MIGA1: variants seen among roughly 807,000 people sequenced by gnomAD.
MIGA1 encodes family with sequence similarity 73, member A.
In MIGA1, 58 loss-of-function variants were observed where a neutral mutation model predicts 82.0. The observed-to-expected ratio is 0.71, with a 90% CI of 0.57 to 0.88. The LOEUF (loss-of-function observed/expected upper bound fraction) is 0.88, where lower values mean the gene tolerates loss of function less well. Ranked by LOEUF, MIGA1 falls within the 40% of genes least tolerant of loss-of-function variation. MIGA1 has a pLI of 0.00. For synonymous variants in MIGA1, 249 were observed against 253.6 expected (o/e 0.98, Z 0.17); for missense variants, 751 against 749.1 (o/e 1.00, Z -0.03).
intron 2 of MIGA1, among the ~76,000 whole-genome samples, chr1:77,794,939 T>A (rs1025298129): frequency 6.6e-6 from 1 of 152,166 alleles, no homozygotes; most frequent in African/African-American, 2.4e-5. Flanking sequence ...ACTTTAGTAC[T>A]TATTTCTTGA....
rs751478363 is a variant in MIGA1 at position 77,866,361 on chromosome 1, G to A, written c.1533G>A (p.Ser511=). 3.2e-5 allele frequency: 51 copies of A among 1,613,736 alleles called. No homozygotes were observed. Among genetic ancestry groups the A allele is most frequent in the East Asian group, 2.2e-4 (10 of 44,892 alleles). ...AGGCTGTGGCTTCAAGTTGTTGGTC[G>A]GTGCTGAAACAGAAAAGACAACAGA... Residue 511 remains serine (S), a synonymous_variant, in exon 14 of 16, where the codon TCG becomes TCA. Transcript: ENST00000370791.
chr1:77,865,340 C>A (rs937955612), intron 13 of MIGA1, among the ~76,000 whole-genome samples: 4 of 152,046 alleles, frequency 2.6e-5, no homozygotes, highest in African/African-American at 9.7e-5. Flanking sequence ...CCTGTAATCC[C>A]AGCACTTTGG....
chr1:77,873,426 G>A (rs1571029576), intron 15 of MIGA1, among the ~76,000 whole-genome samples: 1 of 152,310 alleles, frequency 6.6e-6, no homozygotes, highest in Non-Finnish European at 1.5e-5. Flanking sequence ...GTGTTGCCAT[G>A]TGACAGTCAA....
At chr1:77,832,884 C>T (rs963775502) in intron 7 of MIGA1, among the ~76,000 whole-genome samples, 1 of 152,130 alleles carries the variant, frequency 6.6e-6, no homozygotes, top group African/African-American at 2.4e-5. Flanking sequence ...TTTGTTGCTG[C>T]TCCTTTATAA....
At chr1:77,872,942 T>A in intron 14 of MIGA1, 62 bp from the exon 15 acceptor site, 8 of 1,601,792 alleles carry the variant, frequency 5.0e-6, no homozygotes, top group Non-Finnish European at 6.8e-6. Context: ...TCAGTTTCTG[T>A]ACTAGAGAAA....
rs187165560 is a variant in MIGA1 at position 77,854,257 on chromosome 1, A to T, written c.997-4681A>T. ...GGCTGCACAGTATTCCTTCATCTAT[A>T]CATACCACAGTTTCTTTATCCACTT... is the stretch of plus-strand genomic sequence containing the variant. On this transcript the variant is annotated intron_variant, in intron 8 of 15. Transcript: ENST00000370791. Among the ~76,000 whole-genome samples, 239 of 152,318 alleles carry T rather than the reference A, an allele frequency of 1.6e-3. 6 individuals carry two copies. Among genetic ancestry groups the T allele is most frequent in the Admixed American group, 0.014 (209 of 15,302 alleles).
At chr1:77,822,508 C>T (rs1049441469) in intron 7 of MIGA1, among the ~76,000 whole-genome samples, 2 of 152,056 alleles carry the variant, frequency 1.3e-5, no homozygotes, top group Non-Finnish European at 2.9e-5. Flanking sequence ...TAGGAAAATA[C>T]AGAATTTTTT....
chr1:77,782,557 A>G (rs1209000373), intron 1 of MIGA1, among the ~76,000 whole-genome samples: 3 of 152,210 alleles, frequency 2.0e-5, no homozygotes, highest in East Asian at 3.8e-4. Context: ...TTCTGGCTCT[A>G]TAAAGCAGAG....
chr1:77,867,425 A>G (rs1685713782), intron 14 of MIGA1, among the ~76,000 whole-genome samples: 1 of 152,186 alleles, frequency 6.6e-6, no homozygotes, highest in East Asian at 1.9e-4. Flanking sequence ...CTCCTGGGCT[A>G]AAGCAATCTT....
intron 4 of MIGA1, among the ~76,000 whole-genome samples, chr1:77,804,849 G>A (rs1173706138): frequency 6.6e-6 from 1 of 151,720 alleles, no homozygotes; most frequent in Non-Finnish European, 1.5e-5. Flanking sequence ...GGCTGGTCTC[G>A]AACTCCTGAC....
intron 2 of MIGA1, among the ~76,000 whole-genome samples, chr1:77,787,386 C>CT (rs74680486): frequency 0.024 from 3,484 of 142,212 alleles, 63 homozygotes; most frequent in Non-Finnish European, 0.03. Flanking sequence ...GTCCTTTGCC[C>CT]TTTTTTTTTT....
intron 7 of MIGA1, among the ~76,000 whole-genome samples, chr1:77,832,483 A>G (rs902823136): frequency 6.6e-6 from 1 of 152,250 alleles, no homozygotes; most frequent in Non-Finnish European, 1.5e-5. Context: ...ATAAAGTGCT[A>G]TGGGAACACT....
intron 8 of MIGA1, chr1:77,848,075 GA>G: frequency 1.5e-6 from 2 of 1,294,636 alleles, no homozygotes; most frequent in Non-Finnish European, 2.2e-6. Flanking sequence ...GAGGACACGA[GA>G]AAAGGGAAGA....
intron 4 of MIGA1, among the ~76,000 whole-genome samples, chr1:77,805,248 G>T (rs1377672870): frequency 3.3e-5 from 5 of 151,838 alleles, no homozygotes; most frequent in Non-Finnish European, 7.4e-5. Context: ...ACCTGCCTCA[G>T]CCTCCCAAAG....
intron 8 of MIGA1, among the ~76,000 whole-genome samples, chr1:77,853,153 C>CA (rs1232669857): frequency 2.0e-5 from 3 of 151,962 alleles, no homozygotes; most frequent in Non-Finnish European, 2.9e-5. Flanking sequence ...CTCCACAAAG[C>CA]AAAAAATGTC....
chr1:77,850,047 A>C (rs1684989114), intron 8 of MIGA1, among the ~76,000 whole-genome samples: 1 of 152,044 alleles, frequency 6.6e-6, no homozygotes, highest in Non-Finnish European at 1.5e-5. Flanking sequence ...AAAAAAAAAA[A>C]AAAAAGTATG....
At chr1:77,848,438 TAGAGAA>T (rs1279900931) in intron 8 of MIGA1, 29 of 927,410 alleles carry the variant, frequency 3.1e-5, no homozygotes, top group Admixed American at 7.3e-5. Flanking sequence ...AATACAGAGA[TAGAGAA>T]AAACAAGAAG....
At chr1:77,811,070 C>T (rs1683308649) in intron 5 of MIGA1, 8 of 1,613,232 alleles carry the variant, frequency 5.0e-6, no homozygotes, top group Non-Finnish European at 6.8e-6. Context: ...AAGAAGATAG[C>T]TGCACCTTTG....
chr1:77,829,838 C>A (rs1684176605), intron 7 of MIGA1, among the ~76,000 whole-genome samples: 1 of 151,826 alleles, frequency 6.6e-6, no homozygotes, highest in South Asian at 2.1e-4. Flanking sequence ...TGCCTCAGCA[C>A]CTCTCTTTGA....
Sources: gnomAD v4.1 joint callset for allele counts (sites outside exome capture counted in the v4.1 genomes callset) on GRCh38, gnomAD v4.1.1 for gene constraint, MANE v1.5 for transcripts, NCBI Gene and HGNC (gene_info 2026-07-23, HGNC 2026-07-21) for gene names.